Variants in CHN1 observed in about 807,000 individuals in gnomAD.
The protein encoded by CHN1 is N-chimaerin.
CHN1 carries 37 observed loss-of-function variants against 59.5 expected under a neutral mutation model. The ratio of observed to expected loss-of-function variants is 0.62; its 90% confidence interval spans 0.48 to 0.82. CHN1 has a LOEUF of 0.82. Among genes scored for constraint, CHN1 ranks in the 40% least tolerant of loss-of-function variants. The pLI, the probability that CHN1 is intolerant of heterozygous loss-of-function variation, is 0.00. For missense variants in CHN1, 469 were observed against 571.0 expected (o/e 0.82, Z 1.82); for synonymous variants, 206 against 200.4 (o/e 1.03, Z -0.24).
intron 2 of CHN1, among the ~76,000 whole-genome samples, chr2:174,951,838 C>G (rs568860321): frequency 6.6e-6 from 1 of 152,204 alleles, no homozygotes; most frequent in African/African-American, 2.4e-5. Context: ...GAATCAGGAC[C>G]TGAAAATAAT....
chr2:174,898,944 G>C (rs1199883520), intron 5 of CHN1, among the ~76,000 whole-genome samples: 1 of 152,084 alleles, frequency 6.6e-6, no homozygotes, highest in Non-Finnish European at 1.5e-5. Flanking sequence ...AATGATATAG[G>C]AAAAATAAAG....
intron 3 of CHN1, among the ~76,000 whole-genome samples, chr2:174,924,396 T>G (rs1207258348): frequency 1.3e-5 from 2 of 152,226 alleles, no homozygotes; most frequent in African/African-American, 4.8e-5. Flanking sequence ...CTTATCTCTA[T>G]CACCCTTTGT....
At chr2:174,968,154 G>A (rs186644612) in intron 1 of CHN1, among the ~76,000 whole-genome samples, 28 of 152,362 alleles carry the variant, frequency 1.8e-4, no homozygotes, top group Non-Finnish European at 3.7e-4. Flanking sequence ...ATTGGGAAAA[G>A]AGAGATAAGG....
chr2:174,980,744 T>G (rs1313442720), intron 1 of CHN1, among the ~76,000 whole-genome samples: 1 of 151,320 alleles, frequency 6.6e-6, no homozygotes, highest in Non-Finnish European at 1.5e-5. Context: ...ATGTGTAGAT[T>G]GTTGCAAACT....
At chr2:174,813,804 C>T (rs893764371) in intron 8 of CHN1, among the ~76,000 whole-genome samples, 2 of 152,268 alleles carry the variant, frequency 1.3e-5, no homozygotes, top group South Asian at 2.1e-4. Flanking sequence ...AATCATACAA[C>T]GCCATTCAGT....
intron 3 of CHN1, among the ~76,000 whole-genome samples, chr2:174,941,313 A>G (rs1329784529): frequency 6.6e-6 from 1 of 152,200 alleles, no homozygotes; most frequent in Non-Finnish European, 1.5e-5. Context: ...TTGGAACCCA[A>G]AATCTAGTCC....
intron 11 of CHN1, among the ~76,000 whole-genome samples, chr2:174,808,112 A>G (rs1392146379): frequency 6.6e-6 from 1 of 152,246 alleles, no homozygotes; most frequent in Non-Finnish European, 1.5e-5. Flanking sequence ...TTCTTGATAT[A>G]AAATAGTGCT....
intron 10 of CHN1, among the ~76,000 whole-genome samples, chr2:174,810,457 G>C (rs1420850917): frequency 6.6e-6 from 1 of 152,112 alleles, no homozygotes; most frequent in African/African-American, 2.4e-5. Flanking sequence ...TTTGCTCTCT[G>C]GGGTCCATAG....
chr2:174,904,553 T>G (rs1688486344), intron 5 of CHN1, among the ~76,000 whole-genome samples: 1 of 152,006 alleles, frequency 6.6e-6, no homozygotes, highest in Non-Finnish European at 1.5e-5. Context: ...CACACCTGGC[T>G]AATTTTGTAC....
Position 174,856,645 on chromosome 2 carries a change from T to C in CHN1, c.550-9688A>G, listed in dbSNP as rs141073036. ...AACACTATGCCCAAGGAGGAGGGGG[T>C]GGAATGGCACACAGCCTGGCTTCCA... On this transcript the variant is annotated intron_variant, in intron 6 of 12. Transcript: ENST00000409900. 3.9e-5 allele frequency among the ~76,000 whole-genome samples: 6 copies of C among 151,910 alleles called. No homozygotes were observed. The East Asian group carries it at 1.2e-3, about 29-fold the overall frequency.
At chr2:174,889,640 T>G (rs1053604216) in intron 5 of CHN1, among the ~76,000 whole-genome samples, 1 of 151,886 alleles carries the variant, frequency 6.6e-6, no homozygotes, top group South Asian at 2.1e-4. Context: ...ATCAGCAAAC[T>G]TAAAGACAGG....
intron 8 of CHN1, among the ~76,000 whole-genome samples, chr2:174,819,165 T>A (rs1685389617): frequency 6.6e-6 from 1 of 152,216 alleles, no homozygotes; most frequent in South Asian, 2.1e-4. Flanking sequence ...ATGAAACTTT[T>A]AAGCAAGTCT....
intron 6 of CHN1, among the ~76,000 whole-genome samples, chr2:174,871,995 C>G (rs2105466346): frequency 6.6e-6 from 1 of 152,202 alleles, no homozygotes. Flanking sequence ...TAAATTCCAA[C>G]ATAAGGCCAG....
intron 6 of CHN1, among the ~76,000 whole-genome samples, chr2:174,853,473 A>C (rs1251807549): frequency 1.3e-5 from 2 of 152,202 alleles, no homozygotes; most frequent in Non-Finnish European, 2.9e-5. Context: ...TGTGGAGAAA[A>C]GAGAACACTT....
intron 5 of CHN1, among the ~76,000 whole-genome samples, chr2:174,900,277 C>T (rs577786862): frequency 7.2e-5 from 11 of 152,040 alleles, no homozygotes; most frequent in Non-Finnish European, 1.3e-4. Flanking sequence ...GATTGCTTCT[C>T]GGGCCAGGAG....
intron 3 of CHN1, among the ~76,000 whole-genome samples, chr2:174,936,870 A>G (rs1390119147): frequency 6.6e-6 from 1 of 152,182 alleles, no homozygotes; most frequent in Non-Finnish European, 1.5e-5. Flanking sequence ...TGGTTTTTAA[A>G]GCCTGCCTAA....
At chr2:174,840,447 T>C (rs2105425612) in intron 7 of CHN1, among the ~76,000 whole-genome samples, 1 of 152,286 alleles carries the variant, frequency 6.6e-6, no homozygotes, top group Middle Eastern at 3.4e-3. Context: ...ATTACAGGCA[T>C]GAGCCACTGT....
intron 10 of CHN1, among the ~76,000 whole-genome samples, chr2:174,809,422 G>A (rs560383067): frequency 4.6e-5 from 7 of 152,250 alleles, no homozygotes; most frequent in Admixed American, 6.5e-5. Context: ...ATGGCACCTC[G>A]TCTATGCTCT....
At chr2:174,843,744 AGTGGCTACCATGTATCT>A (rs1468124603) in intron 7 of CHN1, among the ~76,000 whole-genome samples, 3 of 152,048 alleles carry the variant, frequency 2.0e-5, no homozygotes, top group Non-Finnish European at 2.9e-5. Context: ...TAACAAAAAT[AGTGGCTACCATGTATCT>A]ACATGTACTG....
Sources: allele counts gnomAD v4.1 joint callset (sites outside exome capture counted in the v4.1 genomes callset), GRCh38; gene constraint gnomAD v4.1.1; transcripts MANE v1.5; gene names NCBI Gene and HGNC (gene_info 2026-07-23, HGNC 2026-07-21).